Variants in OR1J2 observed in about 807,000 individuals in gnomAD.
OR1J2 encodes the protein olfactory receptor family 1 subfamily J member 2, also known as olfactory receptor 1J2.
For synonymous variants in OR1J2, 142 were observed against 99.7 expected, an observed-to-expected ratio of 1.42 and a Z score of -2.52; for missense variants, 304 against 246.1, an observed-to-expected ratio of 1.24 and a Z score of -1.57.
At chr9:122,573,708 T>C in the OR1J2 span, among the ~76,000 whole-genome samples, 1 of 152,224 alleles carries the variant, frequency 6.6e-6, no homozygotes, top group South Asian at 2.1e-4. Context: ...TTTTATTCTC[T>C]TGACAGTGAC....
At chr9:122,463,789 T>A in the OR1J2 span, among the ~76,000 whole-genome samples, 1 of 152,160 alleles carries the variant, frequency 6.6e-6, no homozygotes, top group African/African-American at 2.4e-5. Flanking sequence ...TCTTCAGGTC[T>A]CTCCGCCACA....
the OR1J2 span, among the ~76,000 whole-genome samples, chr9:122,494,515 T>C: frequency 1.3e-5 from 2 of 152,182 alleles, no homozygotes; most frequent in African/African-American, 4.8e-5. Context: ...TGCTTGTTTT[T>C]GGTGTCCATT....
At chr9:122,516,453 G>A (rs1828701404), downstream of OR1J2, among the ~76,000 whole-genome samples, 1 of 151,786 alleles carries the variant, frequency 6.6e-6, no homozygotes, top group Admixed American at 6.6e-5. Context: ...ACAGGCGCCC[G>A]CCACTACGCC....
chr9:122,567,934 G>C, the OR1J2 span: 1 of 1,614,114 alleles, frequency 6.2e-7, no homozygotes, highest in Non-Finnish European at 8.5e-7. Context: ...ACAGGGCTGA[G>C]GTCACAGAGA....
chr9:122,507,851 A>G (rs138307925), upstream of OR1J2, among the ~76,000 whole-genome samples: 2 of 152,158 alleles, frequency 1.3e-5, no homozygotes, highest in African/African-American at 4.8e-5. Flanking sequence ...TTTGCTGAGC[A>G]CTATGCAAGC....
chr9:122,462,367 G>A, the OR1J2 span, among the ~76,000 whole-genome samples: 9 of 152,062 alleles, frequency 5.9e-5, no homozygotes, highest in Non-Finnish European at 8.8e-5. Flanking sequence ...ATTCCTATCC[G>A]TTCTGCCATT....
chr9:122,556,609 A>T, the OR1J2 span, among the ~76,000 whole-genome samples: 2 of 152,132 alleles, frequency 1.3e-5, no homozygotes, highest in East Asian at 3.9e-4. Flanking sequence ...AGGTGCAGCA[A>T]ACCACCATGG....
the OR1J2 span, among the ~76,000 whole-genome samples, chr9:122,452,010 C>G: frequency 1.3e-5 from 2 of 152,200 alleles, no homozygotes; most frequent in South Asian, 2.1e-4. Flanking sequence ...TCCCGAGTAA[C>G]TGGGACTACA....
the OR1J2 span, among the ~76,000 whole-genome samples, chr9:122,556,941 T>G: frequency 7.9e-5 from 12 of 151,944 alleles, no homozygotes; most frequent in Non-Finnish European, 1.8e-4. Context: ...AGTTCTGCAG[T>G]TTTTCTCATA....
chr9:122,497,611 A>C, the OR1J2 span, among the ~76,000 whole-genome samples: 3 of 152,000 alleles, frequency 2.0e-5, 1 homozygote, highest in Admixed American at 2.0e-4. Flanking sequence ...CTTTCAAAGA[A>C]CCAACTTTTG....
upstream of OR1J2, among the ~76,000 whole-genome samples, chr9:122,508,679 T>C (rs1828574610): frequency 6.6e-6 from 1 of 152,202 alleles, no homozygotes; most frequent in Admixed American, 6.5e-5. Flanking sequence ...GAAGGACACA[T>C]GGATTTTGTT....
chr9:122,490,159 C>T, the OR1J2 span, among the ~76,000 whole-genome samples: 7 of 152,078 alleles, frequency 4.6e-5, no homozygotes, highest in African/African-American at 1.7e-4. Flanking sequence ...GTACTGGTGG[C>T]AGGGGAGAAT....
the OR1J2 span, among the ~76,000 whole-genome samples, chr9:122,503,020 G>A: frequency 3.3e-5 from 5 of 152,200 alleles, no homozygotes; most frequent in African/African-American, 4.8e-5. Context: ...TCATCTACAG[G>A]TGGTTGCCTT....
At chr9:122,550,035 T>C in the OR1J2 span, among the ~76,000 whole-genome samples, 1 of 150,766 alleles carries the variant, frequency 6.6e-6, no homozygotes, top group African/African-American at 2.5e-5. Context: ...AAAATTTCTT[T>C]CTTCAGTGTT....
the OR1J2 span, among the ~76,000 whole-genome samples, chr9:122,517,536 T>A: frequency 6.6e-6 from 1 of 152,320 alleles, no homozygotes; most frequent in Admixed American, 6.5e-5. Flanking sequence ...AATTAAGAAC[T>A]GTTATAATGA....
At chr9:122,489,637 T>C in the OR1J2 span, among the ~76,000 whole-genome samples, 51 of 152,348 alleles carry the variant, frequency 3.3e-4, no homozygotes, top group African/African-American at 1.2e-3. Context: ...TAGGAATAGA[T>C]TGAAATAGAG....
downstream of OR1J2, among the ~76,000 whole-genome samples, chr9:122,513,374 G>T (rs1375459142): frequency 6.6e-6 from 1 of 152,156 alleles, no homozygotes; most frequent in African/African-American, 2.4e-5. Flanking sequence ...TCTATGTGTG[G>T]AATATTGCAG....
At chr9:122,526,537 G>C in the OR1J2 span, 1 of 1,608,250 alleles carries the variant, frequency 6.2e-7, no homozygotes, top group Non-Finnish European at 8.5e-7. Flanking sequence ...GCACTGAAGA[G>C]GGTCCCATAG....
At chr9:122,509,293 A>G (rs1342538559), upstream of OR1J2, among the ~76,000 whole-genome samples, 1 of 152,186 alleles carries the variant, frequency 6.6e-6, no homozygotes, top group Non-Finnish European at 1.5e-5. Flanking sequence ...GGAGTACCCA[A>G]GAGGGAGCTG....
Sources: allele counts gnomAD v4.1 joint callset (sites outside exome capture counted in the v4.1 genomes callset), GRCh38; gene constraint gnomAD v4.1.1; transcripts MANE v1.5; gene names NCBI Gene and HGNC (gene_info 2026-07-23, HGNC 2026-07-21).